Variants in LINS1 observed in about 807,000 individuals in gnomAD.
LINS1 encodes the protein protein Lines homolog 1.
Under a neutral mutation model 41.6 loss-of-function variants are expected in LINS1, and 27 were observed. The ratio of observed to expected loss-of-function variants is 0.65; its 90% confidence interval spans 0.48 to 0.89. The LOEUF (loss-of-function observed/expected upper bound fraction) is 0.89, where lower values mean the gene tolerates loss of function less well. Among genes scored for constraint, LINS1 ranks in the 40% least tolerant of loss-of-function variants. LINS1 has a pLI of 0.00. For synonymous variants in LINS1, 336 were observed against 312.9 expected (o/e 1.07, Z -0.78); for missense variants, 955 against 884.1 (o/e 1.08, Z -1.02).
intron 1 of LINS1, among the ~76,000 whole-genome samples, chr15:100,592,755 T>C (rs1436668334): frequency 6.6e-6 from 1 of 152,148 alleles, no homozygotes; most frequent in African/African-American, 2.4e-5. Context: ...TAATCTTAGA[T>C]GGAAATCAAA....
At chr15:100,578,516 C>A (rs1238055367) in intron 3 of LINS1, among the ~76,000 whole-genome samples, 4 of 152,096 alleles carry the variant, frequency 2.6e-5, no homozygotes, top group African/African-American at 9.6e-5. Context: ...ATTAAAAAGT[C>A]AGGAAACAAC....
intron 4 of LINS1, among the ~76,000 whole-genome samples, chr15:100,574,782 G>C (rs1262963113): frequency 1.3e-5 from 2 of 152,170 alleles, no homozygotes; most frequent in African/African-American, 4.8e-5. Flanking sequence ...CAAGGGATTT[G>C]TGCTCATGAA....
intron 3 of LINS1, among the ~76,000 whole-genome samples, chr15:100,579,589 AATATCACTTTTT>A (rs1163620240): frequency 2.6e-5 from 4 of 152,194 alleles, no homozygotes. Context: ...TTTCTACTGT[AATATCACTTTTT>A]ATATTCAGAA....
At chr15:100,595,140 A>G (rs373813471) in intron 1 of LINS1, among the ~76,000 whole-genome samples, 7 of 152,322 alleles carry the variant, frequency 4.6e-5, no homozygotes, top group Admixed American at 3.3e-4. Flanking sequence ...GAGGCTAGTC[A>G]AAGGGTTCTC....
intron 1 of LINS1, among the ~76,000 whole-genome samples, chr15:100,590,567 T>C (rs556767868): frequency 1.3e-5 from 2 of 152,366 alleles, no homozygotes; most frequent in East Asian, 3.9e-4. Context: ...TCCCTCATGA[T>C]AGGCTGTATA....
At chr15:100,586,152 C>T (rs1270449288) in intron 1 of LINS1, 1 of 152,222 alleles carries the variant, frequency 6.6e-6, no homozygotes, top group Non-Finnish European at 1.5e-5. Context: ...AAGATAAATG[C>T]ATATCTGACT....
intron 1 of LINS1, among the ~76,000 whole-genome samples, chr15:100,597,605 T>C (rs1211659938): frequency 6.6e-6 from 1 of 152,256 alleles, no homozygotes; most frequent in Non-Finnish European, 1.5e-5. Flanking sequence ...TGTATCAATA[T>C]GAATACTTTT....
At chr15:100,598,390 G>A (rs1157565353) in intron 1 of LINS1, among the ~76,000 whole-genome samples, 1 of 152,216 alleles carries the variant, frequency 6.6e-6, no homozygotes, top group East Asian at 1.9e-4. Flanking sequence ...ATTTTAAGTT[G>A]TGAATTTTAA....
chr15:100,568,618 T>G lies in LINS1; in HGVS notation c.*620A>C, dbSNP rs1451714659. The G allele has an allele frequency of 2.0e-5, 3 of 152,526 alleles. No individual in the cohort carries two copies. The highest frequency in any genetic ancestry group is 4.4e-5 in the Non-Finnish European group (3 of 68,328). 9.4% of individuals were successfully genotyped at this position (152,526 alleles called of 1,614,324 possible). On this transcript the variant is annotated 3_prime_UTR_variant, in exon 7 of 7. Transcript: ENST00000314742. ...GAGTTTGGATTCTGGCCTCCAAAAC[T>G]ATGAGGATAATTCCAGGTGTCTGAA... is the stretch of plus-strand genomic sequence containing the variant.
chr15:100,581,040 T>A, intron 1 of LINS1, 95 bp from the exon 2 acceptor site: 1 of 527,616 alleles, frequency 1.9e-6, no homozygotes, highest in Non-Finnish European at 3.3e-6. Context: ...TCTCTCAAGT[T>A]AAAGGGGATG....
Position 100,573,783 on chromosome 15 carries a change from C to A in LINS1, c.1090G>T (p.Gly364Cys). ...SVYEKHSFFG[G>C]DEVQPECELI... ...TCACATTCAGGTTGAACTTCATCAC[C>A]TCCAAAAAAGGAATGTTTTTCATAA... Residue 364 changes from glycine to cysteine, a missense_variant, in exon 5 of 7, where the codon GGT (glycine) becomes TGT (cysteine). Gly to Cys is a radical substitution (Grantham distance 159, BLOSUM62 -3). Coordinates refer to ENST00000314742, the MANE Select transcript of LINS1 (RefSeq NM_001040616.3). 2 of 1,614,140 alleles carry A rather than the reference C, an allele frequency of 1.2e-6. No homozygotes were observed. The highest frequency in any genetic ancestry group is 1.7e-6 in the Non-Finnish European group (2 of 1,180,030).
chr15:100,586,956 C>G (rs1048353098), intron 1 of LINS1, among the ~76,000 whole-genome samples: 3 of 151,818 alleles, frequency 2.0e-5, no homozygotes, highest in Non-Finnish European at 4.4e-5. Flanking sequence ...GTCAGGAGAT[C>G]GAGACCATCC....
rs199912993 is a variant in LINS1, at chr15:100,578,985, T to TGAACACAGGAACACAG, written c.489+1277_489+1278insCTGTGTTCCTGTGTTC. Among the ~76,000 whole-genome samples, 278 of 151,382 alleles carry TGAACACAGGAACACAG rather than the reference T, an allele frequency of 1.8e-3. 3 individuals carry two copies. The highest frequency in any genetic ancestry group is 6.2e-3 in the African/African-American group (256 of 41,144). Reference sequence around the variant, plus strand: ...GTGGGAACTGAACAATGACAACACTTGAACACAGGAAGGGGAACATCACAC... The same window carrying TGAACACAGGAACACAG: ...GTGGGAACTGAACAATGACAACACTTGAACACAGGAACACAGGAACACAGGAAGGGGAACATCACAC... On this transcript the variant is annotated intron_variant, in intron 3 of 6. Coordinates refer to ENST00000314742, the MANE Select transcript of LINS1 (RefSeq NM_001040616.3).
chr15:100,593,853 C>T (rs931411472), intron 1 of LINS1, among the ~76,000 whole-genome samples: 4 of 152,212 alleles, frequency 2.6e-5, no homozygotes, highest in Non-Finnish European at 5.9e-5. Context: ...TACGCGAGAT[C>T]TAAAATCAAG....
In LINS1 at chr15:100,580,275, T is replaced by C. The variant is rs1294256189; in HGVS notation, c.477A>G (p.Gln159=). 3 of 1,603,916 alleles carry C rather than the reference T, an allele frequency of 1.9e-6. No individual in the cohort carries two copies. The highest frequency in any genetic ancestry group is 1.7e-5 in the Admixed American group (1 of 59,840). The part of the protein sequence containing the change: ...AQCLALLLYF[Q]LREKITLSNS... ...TTACTTATCTTACCTTTTCTCTCAA[T>C]TGGAAATATAGAAGCAATGCAAGGC... Residue 159 remains glutamine, a synonymous_variant, in exon 3 of 7, where the codon CAA becomes CAG. Coordinates refer to ENST00000314742, the MANE Select transcript of LINS1 (RefSeq NM_001040616.3).
At chr15:100,579,000 G>A (rs940200411) in intron 3 of LINS1, among the ~76,000 whole-genome samples, 5 of 148,374 alleles carry the variant, frequency 3.4e-5, no homozygotes, top group African/African-American at 1.1e-4. Flanking sequence ...ACAGGAAGGG[G>A]AACATCACAC....
chr15:100,578,426 G>A (rs2141298359), intron 3 of LINS1, among the ~76,000 whole-genome samples: 1 of 152,024 alleles, frequency 6.6e-6, no homozygotes, highest in South Asian at 2.1e-4. Context: ...ATGAAAAAAT[G>A]CTCATCATCA....
At chr15:100,599,477 A>T (rs150882145) in intron 1 of LINS1, among the ~76,000 whole-genome samples, 6 of 152,342 alleles carry the variant, frequency 3.9e-5, no homozygotes, top group Middle Eastern at 3.4e-3. Flanking sequence ...TGAAAAACAA[A>T]TGGCCAGAAA....
intron 1 of LINS1, among the ~76,000 whole-genome samples, chr15:100,584,859 T>C (rs779133415): frequency 9.9e-5 from 15 of 152,226 alleles, no homozygotes; most frequent in South Asian, 2.1e-4. Flanking sequence ...TGGCTCTAAA[T>C]TGGAGTTGCC....
Sources: allele counts gnomAD v4.1 joint callset (sites outside exome capture counted in the v4.1 genomes callset), GRCh38; gene constraint gnomAD v4.1.1; transcripts MANE v1.5; gene names NCBI Gene and HGNC (gene_info 2026-07-23, HGNC 2026-07-21).